The following ITPKB variants were observed in gnomAD, a reference collection of about 807,000 sequenced individuals.
ITPKB encodes the protein inositol-trisphosphate 3-kinase B.
A neutral mutation model predicts 69.4 loss-of-function variants in ITPKB; 13 were observed. The ratio of observed to expected loss-of-function variants is 0.19; its 90% confidence interval spans 0.12 to 0.30. The LOEUF (loss-of-function observed/expected upper bound fraction) is 0.30. Ranked by LOEUF, ITPKB falls within the 10% of genes least tolerant of loss-of-function variation. The pLI is 1.00. For missense variants in ITPKB, 1,240 were observed against 1,250.5 expected, an observed-to-expected ratio of 0.99 and a Z score of 0.13; for synonymous variants, 584 against 513.7, an observed-to-expected ratio of 1.14 and a Z score of -1.85.
At chr1:226,653,323 G>A (rs532611162) in intron 2 of ITPKB, among the ~76,000 whole-genome samples, 5 of 152,268 alleles carry the variant, frequency 3.3e-5, no homozygotes, top group Admixed American at 1.3e-4. Flanking sequence ...TTCCAGTCTC[G>A]AGACAGCAGG....
chr1:226,650,032 G>A (rs1021914790), intron 2 of ITPKB, among the ~76,000 whole-genome samples: 2 of 152,278 alleles, frequency 1.3e-5, no homozygotes, highest in Admixed American at 1.3e-4. Context: ...AAACCACGGA[G>A]AGCAGAAGCC....
At position 226,637,143 on chromosome 1, in the gene ITPKB, C is replaced by T; in HGVS notation, c.2625+536G>A. Among the ~76,000 whole-genome samples the T allele has an allele frequency of 6.6e-6, 1 of 152,088 alleles. No homozygotes were observed. Among genetic ancestry groups the T allele is most frequent in the Non-Finnish European group, 1.5e-5 (1 of 68,016 alleles). On this transcript the variant is annotated intron_variant, in intron 7 of 7. Coordinates refer to ENST00000429204, the MANE Select transcript of ITPKB (RefSeq NM_002221.4). This position sits in a 1 kb window ranked among gnomAD's most constrained non-coding sequence, Gnocchi z 4.3. The stretch of plus-strand genomic sequence containing the variant: ...GACTCCCCATGTCAGGGTCTCACAC[C>T]CCTCCAGGGAACCTGCCGACACCTC...
In ITPKB at chr1:226,632,946, T is replaced by C. The variant is rs1342126965; in HGVS notation, c.*1725A>G. The C allele has an allele frequency of 6.6e-6, 1 of 152,180 alleles. No homozygotes were observed. The highest frequency in any genetic ancestry group is 2.4e-5 in the African/African-American group (1 of 41,420). 9.4% of individuals were successfully genotyped at this position (152,180 alleles called of 1,614,324 possible). A position where few individuals can be genotyped will look rare whatever the true frequency, so the allele number is the denominator to read the frequency against. ...TAGCTCCAGAGGCCCAGAGTTGACT[T>C]TGGCTCCCCAACGCCCCCGTCCTGC... On this transcript the variant is annotated 3_prime_UTR_variant, in exon 8 of 8. Coordinates refer to ENST00000429204, the MANE Select transcript of ITPKB (RefSeq NM_002221.4).
chr1:226,684,478 A>C (rs1656156341), intron 2 of ITPKB, among the ~76,000 whole-genome samples: 1 of 152,186 alleles, frequency 6.6e-6, no homozygotes, highest in African/African-American at 2.4e-5. Flanking sequence ...AGGATAGAGC[A>C]ACACTTTTTT....
chr1:226,687,612 G>A (rs901046987), intron 2 of ITPKB, among the ~76,000 whole-genome samples: 11 of 152,200 alleles, frequency 7.2e-5, no homozygotes, highest in Non-Finnish European at 1.3e-4. Flanking sequence ...CTTGAGGCTG[G>A]CAAAACTGAG....
chr1:226,735,371 A>C (rs1240590548), intron 2 of ITPKB, among the ~76,000 whole-genome samples, 156 bp downstream of exon 2: 3 of 152,226 alleles, frequency 2.0e-5, no homozygotes, highest in Non-Finnish European at 4.4e-5. Flanking sequence ...CCACCTCAGC[A>C]AACACACCTG....
intron 2 of ITPKB, among the ~76,000 whole-genome samples, chr1:226,653,400 C>T (rs767564301): frequency 3.9e-5 from 6 of 152,160 alleles, no homozygotes; most frequent in Non-Finnish European, 5.9e-5. Context: ...GGGCGGTTCC[C>T]CTGGACAGCC....
intron 2 of ITPKB, among the ~76,000 whole-genome samples, chr1:226,651,390 A>C (rs1354138163): frequency 6.6e-6 from 1 of 152,212 alleles, no homozygotes; most frequent in African/African-American, 2.4e-5. Flanking sequence ...AAAGAGCGAC[A>C]CATAGATTCC....
intron 2 of ITPKB, among the ~76,000 whole-genome samples, chr1:226,671,333 G>A (rs1669613918): frequency 6.6e-6 from 1 of 152,198 alleles, no homozygotes. Flanking sequence ...TCAAAGGAGT[G>A]AGCCCCTGAG....
chr1:226,636,502 G>C (rs531046049), intron 7 of ITPKB, among the ~76,000 whole-genome samples: 29 of 152,218 alleles, frequency 1.9e-4, no homozygotes, highest in Non-Finnish European at 4.0e-4. Flanking sequence ...TTTGCAGAAA[G>C]ATGCACCGCC....
chr1:226,688,503 G>T (rs1000209313), intron 2 of ITPKB, among the ~76,000 whole-genome samples: 6 of 152,172 alleles, frequency 3.9e-5, no homozygotes, highest in African/African-American at 1.4e-4. Flanking sequence ...GACAGAAAAG[G>T]AGGTCTTCCA....
chr1:226,658,295 G>T (rs1469691900), intron 2 of ITPKB, among the ~76,000 whole-genome samples: 1 of 152,224 alleles, frequency 6.6e-6, no homozygotes, highest in Admixed American at 6.5e-5. Context: ...CCCCTGGCAG[G>T]GCCCAGCTGG....
chr1:226,680,034 C>T (rs1032029845), intron 2 of ITPKB, among the ~76,000 whole-genome samples: 16 of 152,242 alleles, frequency 1.1e-4, no homozygotes, highest in Non-Finnish European at 2.1e-4. Flanking sequence ...TCTGCGCCTC[C>T]GACCAGCTTA....
At chr1:226,647,057 G>T in intron 4 of ITPKB, 110 bp downstream of exon 4, 1 of 887,636 alleles carries the variant, frequency 1.1e-6, no homozygotes, top group Non-Finnish European at 1.8e-6. Context: ...AGCCTCCTCA[G>T]CCTGCCCTTG....
At chr1:226,735,128 A>C (rs1179620713) in intron 2 of ITPKB, among the ~76,000 whole-genome samples, 4 of 152,240 alleles carry the variant, frequency 2.6e-5, no homozygotes, top group African/African-American at 9.6e-5. Context: ...TGAATGAAAC[A>C]CAGAGTTAAG....
At chr1:226,720,956 C>T (rs576689090) in intron 2 of ITPKB, among the ~76,000 whole-genome samples, 1 of 151,428 alleles carries the variant, frequency 6.6e-6, no homozygotes, top group Non-Finnish European at 1.5e-5. Flanking sequence ...GCAGAAGAAT[C>T]GCTTGAACCC....
intron 2 of ITPKB, among the ~76,000 whole-genome samples, chr1:226,688,301 C>T (rs770229119): frequency 3.9e-5 from 6 of 152,176 alleles, no homozygotes; most frequent in African/African-American, 1.2e-4. Flanking sequence ...AATGCAAAGA[C>T]GAATTAGACA....
intron 2 of ITPKB, among the ~76,000 whole-genome samples, chr1:226,656,253 C>T (rs2102752771): frequency 6.6e-6 from 1 of 152,262 alleles, no homozygotes; most frequent in Middle Eastern, 3.4e-3. Flanking sequence ...TCAGAGACCC[C>T]CAGCAGGTTT....
chr1:226,646,190 C>G (rs189568382), intron 4 of ITPKB, among the ~76,000 whole-genome samples: 59 of 152,350 alleles, frequency 3.9e-4, no homozygotes, highest in East Asian at 2.7e-3. Context: ...CATGGGGGGG[C>G]TTGGCATCTG....
Sources: allele counts gnomAD v4.1 joint callset (sites outside exome capture counted in the v4.1 genomes callset), GRCh38; gene constraint gnomAD v4.1.1; non-coding constraint Gnocchi (gnomAD v3.1); transcripts MANE v1.5; gene names NCBI Gene and HGNC (gene_info 2026-07-23, HGNC 2026-07-21).